LSAMP: variants seen among roughly 807,000 people sequenced by gnomAD.
LSAMP encodes the protein limbic system-associated membrane protein.
LSAMP carries 7 observed loss-of-function variants against 38.6 expected under a neutral mutation model. The observed-to-expected ratio is 0.18, with a 90% CI of 0.10 to 0.34. The LOEUF (loss-of-function observed/expected upper bound fraction) is 0.34, where lower values mean the gene tolerates loss of function less well. Among genes scored for constraint, LSAMP ranks in the 10% least tolerant of loss-of-function variants. The pLI is 1.00. For missense variants in LSAMP, 313 were observed against 420.0 expected (o/e 0.75, Z 2.23); for synonymous variants, 154 against 166.8 (o/e 0.92, Z 0.59).
At chr3:116,030,093 A>G (rs1940885193) in intron 2 of LSAMP, among the ~76,000 whole-genome samples, 1 of 152,160 alleles carries the variant, frequency 6.6e-6, no homozygotes, top group African/African-American at 2.4e-5. Flanking sequence ...CTGGTGACAC[A>G]TGTGTAGCGT....
intron 1 of LSAMP, among the ~76,000 whole-genome samples, chr3:116,247,631 G>A (rs1342712122): frequency 6.6e-6 from 1 of 152,150 alleles, no homozygotes; most frequent in Non-Finnish European, 1.5e-5. Context: ...GTAAATTTAC[G>A]AGTGTACTCA....
rs184088212 is a variant in LSAMP at position 116,411,659 on chromosome 3, G to C, written c.155+33218C>G. ...GGGGAGGGGGGAGGGATAGCATTAG[G>C]AGATACACCTAATGCTAAATGACGA... is the stretch of plus-strand genomic sequence containing the variant. On this transcript the variant is annotated intron_variant, in intron 1 of 6. Coordinates refer to ENST00000490035, the MANE Select transcript of LSAMP (RefSeq NM_002338.5). Among the ~76,000 whole-genome samples, 35 of 148,536 alleles carry C rather than the reference G, an allele frequency of 2.4e-4. No homozygotes were observed. The East Asian group carries it at 6.6e-3, about 28-fold the overall frequency.
At chr3:116,342,679 A>G (rs567801040) in intron 1 of LSAMP, among the ~76,000 whole-genome samples, 1 of 152,194 alleles carries the variant, frequency 6.6e-6, no homozygotes, top group South Asian at 2.1e-4. Context: ...TAGAGATTGA[A>G]TGGGCTCAAT....
rs528125143 is a variant in LSAMP, at chr3:116,154,568, T to C, written c.156-68012A>G. 3.9e-5 allele frequency among the ~76,000 whole-genome samples: 6 copies of C among 152,292 alleles called. No homozygotes were observed. In the East Asian group the frequency reaches 9.7e-4, roughly 25 times the overall value. Reference sequence around the variant, plus strand: ...GGGTTCTACAATGCCCTGCCTGGTCTGTAACCTAAATTCTTTAGCCTCACC... The same window carrying C: ...GGGTTCTACAATGCCCTGCCTGGTCCGTAACCTAAATTCTTTAGCCTCACC... On this transcript the variant is annotated intron_variant, in intron 1 of 6. Transcript: ENST00000490035.
At chr3:116,213,278 AT>A (rs1193725024) in intron 1 of LSAMP, among the ~76,000 whole-genome samples, 2 of 152,206 alleles carry the variant, frequency 1.3e-5, no homozygotes, top group African/African-American at 4.8e-5. Flanking sequence ...AGGTAACTGA[AT>A]CATGGGAGCA....
At chr3:116,040,446 C>T (rs1941143961) in intron 2 of LSAMP, among the ~76,000 whole-genome samples, 1 of 152,256 alleles carries the variant, frequency 6.6e-6, no homozygotes, top group Admixed American at 6.5e-5. Context: ...TTCATTTTTC[C>T]CTCTACATAA....
At chr3:115,867,958 C>G (rs887010704) in intron 3 of LSAMP, among the ~76,000 whole-genome samples, 11 of 152,102 alleles carry the variant, frequency 7.2e-5, no homozygotes, top group African/African-American at 2.7e-4. Context: ...TCATTCCTGA[C>G]AATACAGTGA....
chr3:116,090,570 A>C (rs1380320844), intron 1 of LSAMP, among the ~76,000 whole-genome samples: 1 of 152,178 alleles, frequency 6.6e-6, no homozygotes. Context: ...CTTTATACTT[A>C]ATGATTTTGT....
In LSAMP at chr3:115,841,889, G is replaced by A. The variant is rs1347503743; in HGVS notation, c.875C>T (p.Ala292Val). ...EEHYGNYTCVAANKLGVTNAS... is the reference protein window; with the variant it reads ...EEHYGNYTCVVANKLGVTNAS... ...ATTGGTGACCCCCAGCTTGTTGGCA[G>A]CCACACAGGTGTAGTTGCCGTAGTG... The change falls in exon 6 of 7, where the codon GCT (alanine) becomes GTT (valine). Residue 292 changes from alanine (A) to valine (V), a missense_variant. Physicochemically the swap from Ala to Val is moderately conservative, Grantham distance 64 (BLOSUM62 0). Coordinates refer to ENST00000490035, the MANE Select transcript of LSAMP (RefSeq NM_002338.5). The A allele has an allele frequency of 1.9e-6, 3 of 1,613,916 alleles. No homozygotes were observed. The highest frequency in any genetic ancestry group is 1.3e-5 in the African/African-American group (1 of 75,050).
At chr3:116,282,558 C>T (rs1383943467) in intron 1 of LSAMP, among the ~76,000 whole-genome samples, 1 of 152,098 alleles carries the variant, frequency 6.6e-6, no homozygotes, top group East Asian at 1.9e-4. Flanking sequence ...TTCCATGTCC[C>T]TTACGTAGTC....
chr3:116,358,316 T>C (rs1461326172), intron 1 of LSAMP, among the ~76,000 whole-genome samples: 1 of 152,174 alleles, frequency 6.6e-6, no homozygotes, highest in Non-Finnish European at 1.5e-5. Context: ...ATGGAGGTGT[T>C]TGCTGGACTT....
intron 1 of LSAMP, among the ~76,000 whole-genome samples, chr3:116,090,684 A>G (rs955663203): frequency 2.0e-5 from 3 of 152,192 alleles, no homozygotes; most frequent in Non-Finnish European, 4.4e-5. Context: ...GAGAAATTTT[A>G]AAGCTGGGTG....
At chr3:116,185,655 A>T (rs1710597283) in intron 1 of LSAMP, among the ~76,000 whole-genome samples, 1 of 152,094 alleles carries the variant, frequency 6.6e-6, no homozygotes. Flanking sequence ...CCTAGTATTA[A>T]ATACAGTTAT....
chr3:116,274,210 T>C (rs1048069791), intron 1 of LSAMP, among the ~76,000 whole-genome samples: 4 of 152,190 alleles, frequency 2.6e-5, no homozygotes, highest in African/African-American at 9.7e-5. Flanking sequence ...GGCAAACATA[T>C]AGTTTCTATT....
chr3:115,908,218 C>T (rs1937056850), intron 3 of LSAMP, among the ~76,000 whole-genome samples: 1 of 151,982 alleles, frequency 6.6e-6, no homozygotes, highest in Non-Finnish European at 1.5e-5. Context: ...TACTTAATTT[C>T]CCCTCAGTTT....
intron 1 of LSAMP, among the ~76,000 whole-genome samples, chr3:116,407,057 A>T (rs1576199501): frequency 1.3e-5 from 2 of 151,998 alleles, no homozygotes; most frequent in East Asian, 3.9e-4. Flanking sequence ...CACTAATTGA[A>T]TTTTTTTAAT....
At chr3:115,915,236 A>C (rs1937225326) in intron 3 of LSAMP, among the ~76,000 whole-genome samples, 1 of 152,336 alleles carries the variant, frequency 6.6e-6, no homozygotes, top group South Asian at 2.1e-4. Context: ...GACAACTCCC[A>C]TGCTATTCAA....
chr3:116,420,946 C>T (rs2049114404), intron 1 of LSAMP, among the ~76,000 whole-genome samples: 1 of 152,014 alleles, frequency 6.6e-6, no homozygotes, highest in South Asian at 2.1e-4. Flanking sequence ...ATAGTCTTTT[C>T]AACAAGTGGT....
intron 3 of LSAMP, among the ~76,000 whole-genome samples, chr3:115,868,623 CTTAA>C (rs1225262173): frequency 6.6e-6 from 1 of 151,926 alleles, no homozygotes; most frequent in African/African-American, 2.4e-5. Flanking sequence ...AGATATGAAA[CTTAA>C]TTAACTCATT....
Sources: allele counts gnomAD v4.1 joint callset (sites outside exome capture counted in the v4.1 genomes callset), GRCh38; gene constraint gnomAD v4.1.1; transcripts MANE v1.5; gene names NCBI Gene and HGNC (gene_info 2026-07-23, HGNC 2026-07-21).